SLC26A7: variants seen among roughly 807,000 people sequenced by gnomAD.
SLC26A7 encodes solute carrier family 26 member 7.
Under a neutral mutation model 82.5 loss-of-function variants are expected in SLC26A7, and 59 were observed. The ratio of observed to expected loss-of-function variants is 0.72; its 90% CI spans 0.58 to 0.89. The LOEUF (loss-of-function observed/expected upper bound fraction) is 0.89, where lower values mean the gene tolerates loss of function less well. SLC26A7 is among the 40% of genes least tolerant of loss of function. SLC26A7 has a pLI of 0.00. For synonymous variants in SLC26A7, 271 were observed against 274.3 expected (o/e 0.99, Z 0.12); for missense variants, 820 against 793.0 (o/e 1.03, Z -0.41).
chr8:91,234,682 A>G (rs1262052729), intron 2 of SLC26A7, among the ~76,000 whole-genome samples: 1 of 152,190 alleles, frequency 6.6e-6, no homozygotes, highest in Non-Finnish European at 1.5e-5. Flanking sequence ...CAAATGGGAA[A>G]ATTGAAAATA....
At chr8:91,372,417 G>A (rs1298281671) in intron 15 of SLC26A7, among the ~76,000 whole-genome samples, 2 of 151,806 alleles carry the variant, frequency 1.3e-5, no homozygotes, top group African/African-American at 4.8e-5. Flanking sequence ...GTATATGATG[G>A]AAGTAAGGGT....
intron 5 of SLC26A7, among the ~76,000 whole-genome samples, chr8:91,324,696 C>A (rs1044781489): frequency 6.6e-6 from 1 of 152,102 alleles, no homozygotes; most frequent in African/African-American, 2.4e-5. Flanking sequence ...AGGAGACAAA[C>A]AAATTGGCAA....
chr8:91,215,326 A>G (rs139489889), intron 1 of SLC26A7, among the ~76,000 whole-genome samples: 173 of 152,240 alleles, frequency 1.1e-3, no homozygotes, highest in Non-Finnish European at 2.1e-3. Flanking sequence ...TTGAAATCTT[A>G]TCCAAACTTT....
chr8:91,338,789 C>T (rs1813315959), intron 7 of SLC26A7, among the ~76,000 whole-genome samples: 1 of 152,076 alleles, frequency 6.6e-6, no homozygotes, highest in Non-Finnish European at 1.5e-5. Context: ...GTTCGTACCA[C>T]ATATGGGCTG....
intron 4 of SLC26A7, among the ~76,000 whole-genome samples, chr8:91,308,228 A>T (rs1812376824): frequency 6.6e-6 from 1 of 151,052 alleles, no homozygotes; most frequent in African/African-American, 2.4e-5. Context: ...TTGGCGTTAT[A>T]TGTTTTTAGG....
At chr8:91,332,014 A>G (rs2130827044) in intron 5 of SLC26A7, among the ~76,000 whole-genome samples, 1 of 151,268 alleles carries the variant, frequency 6.6e-6, no homozygotes, top group African/African-American at 2.4e-5. Flanking sequence ...CAGGTTTTAT[A>G]TTTAACCTCT....
chr8:91,284,849 T>C (rs1811668396), intron 2 of SLC26A7, among the ~76,000 whole-genome samples: 1 of 152,206 alleles, frequency 6.6e-6, no homozygotes, highest in South Asian at 2.1e-4. Flanking sequence ...GTTGTAATAT[T>C]ATTTAATATT....
At chr8:91,233,110 C>T (rs557754475) in intron 2 of SLC26A7, among the ~76,000 whole-genome samples, 8 of 152,050 alleles carry the variant, frequency 5.3e-5, no homozygotes, top group Non-Finnish European at 1.2e-4. Flanking sequence ...CTGGTGAGAC[C>T]CTAATGAAAA....
At chr8:91,218,180 A>G (rs1304709535) in intron 1 of SLC26A7, among the ~76,000 whole-genome samples, 2 of 152,156 alleles carry the variant, frequency 1.3e-5, no homozygotes, top group Admixed American at 1.3e-4. Flanking sequence ...AATATTTCCC[A>G]GTTACCAGTT....
At chr8:91,362,260 A>G (rs1056707822) in intron 11 of SLC26A7, 93 bp from the exon 12 acceptor site, 13 of 782,948 alleles carry the variant, frequency 1.7e-5, no homozygotes, top group Non-Finnish European at 2.4e-5. Flanking sequence ...TGGTCACAAG[A>G]GTGTTAAGAA....
chr8:91,354,020 T>A (rs1300217378), intron 11 of SLC26A7, among the ~76,000 whole-genome samples: 1 of 152,056 alleles, frequency 6.6e-6, no homozygotes, highest in Non-Finnish European at 1.5e-5. Context: ...CATGAAAGAC[T>A]CTCACAGAAG....
chr8:91,248,064 C>G (rs1810571784), upstream of SLC26A7, among the ~76,000 whole-genome samples: 10 of 152,108 alleles, frequency 6.6e-5, no homozygotes. Context: ...GTGAGTTCAT[C>G]TCTCATACCA....
chr8:91,344,144 A>G (rs918023152), intron 9 of SLC26A7: 4 of 985,302 alleles, frequency 4.1e-6, no homozygotes, highest in Non-Finnish European at 4.8e-6. Context: ...TTTGTTATAA[A>G]TGAACTTGTT....
At chr8:91,245,834 C>T (rs1329399153), upstream of SLC26A7, among the ~76,000 whole-genome samples, 1 of 152,180 alleles carries the variant, frequency 6.6e-6, no homozygotes, top group African/African-American at 2.4e-5. Context: ...GCCAAATTCC[C>T]TCACACTTCA....
intron 9 of SLC26A7, among the ~76,000 whole-genome samples, chr8:91,347,126 A>G (rs911211682): frequency 3.3e-5 from 5 of 152,206 alleles, no homozygotes; most frequent in African/African-American, 9.6e-5. Context: ...TTAGGTAACT[A>G]CTACAGAAAA....
intron 4 of SLC26A7, among the ~76,000 whole-genome samples, chr8:91,316,748 T>G (rs1812643668): frequency 6.6e-6 from 1 of 151,328 alleles, no homozygotes; most frequent in Non-Finnish European, 1.5e-5. Flanking sequence ...AATAGTAAAT[T>G]TTACTTTTTG....
At chr8:91,380,372 A>T (rs925613184) in intron 15 of SLC26A7, among the ~76,000 whole-genome samples, 1 of 152,166 alleles carries the variant, frequency 6.6e-6, no homozygotes, top group African/African-American at 2.4e-5. Context: ...CACCCTATAC[A>T]CATAGTCTGA....
At chr8:91,394,789 T>TA in intron 18 of SLC26A7, 1 of 961,132 alleles carries the variant, frequency 1.0e-6, no homozygotes, top group Non-Finnish European at 1.4e-6. Flanking sequence ...GCCATGACCT[T>TA]ATGAGGTAGA....
intron 2 of SLC26A7, among the ~76,000 whole-genome samples, chr8:91,257,964 A>T (rs958208488): frequency 6.6e-6 from 1 of 152,062 alleles, no homozygotes; most frequent in Non-Finnish European, 1.5e-5. Flanking sequence ...GGGTGGCAGG[A>T]GAGAGAATGA....
Sources: allele counts gnomAD v4.1 joint callset (sites outside exome capture counted in the v4.1 genomes callset), GRCh38; gene constraint gnomAD v4.1.1; transcripts MANE v1.5; gene names NCBI Gene and HGNC (gene_info 2026-07-23, HGNC 2026-07-21).